Variants in PCSK1 observed in about 807,000 individuals in gnomAD.
PCSK1 encodes the protein proprotein convertase subtilisin/kexin type 1, also known as neuroendocrine convertase 1.
PCSK1 carries 56 observed loss-of-function variants against 90.6 expected under a neutral mutation model. The observed-to-expected ratio is 0.62, with a 90% CI of 0.50 to 0.77. PCSK1 has a LOEUF of 0.77. PCSK1 is among the 30% of genes least tolerant of loss of function. The probability of loss-of-function intolerance (pLI) is 0.00; values close to 1 mark genes in which losing one functional copy is unlikely to be tolerated. For missense variants in PCSK1, 801 were observed against 932.6 expected (o/e 0.86, Z 1.84); for synonymous variants, 348 against 342.4 (o/e 1.02, Z -0.18).
At chr5:96,400,315 T>C (rs1412849363) in intron 9 of PCSK1, 129 bp from the exon 10 acceptor site, 2 of 715,728 alleles carry the variant, frequency 2.8e-6, no homozygotes, top group Non-Finnish European at 5.1e-6. Flanking sequence ...TATGTTATTC[T>C]AGTGTCTATT....
chr5:96,419,062 T>A (rs1431126948), intron 5 of PCSK1, among the ~76,000 whole-genome samples: 2 of 152,020 alleles, frequency 1.3e-5, no homozygotes, highest in African/African-American at 4.8e-5. Context: ...AAGCCAAATA[T>A]CCTTGTCACA....
intron 13 of PCSK1, 72 bp from the exon 14 acceptor site, chr5:96,393,450 C>T: frequency 2.6e-6 from 4 of 1,568,460 alleles, no homozygotes; most frequent in Non-Finnish European, 3.5e-6. Context: ...AGTTGCAACC[C>T]TACCACAGGA....
At chr5:96,423,556 C>T in intron 3 of PCSK1, 97 bp from the exon 4 acceptor site, 1 of 1,089,344 alleles carries the variant, frequency 9.2e-7, no homozygotes, top group East Asian at 2.4e-5. Flanking sequence ...CTTTCTTTTT[C>T]CTTGGGTCAC....
chr5:96,427,290 A>G (rs140894868), intron 2 of PCSK1, among the ~76,000 whole-genome samples: 13 of 152,364 alleles, frequency 8.5e-5, no homozygotes, highest in Admixed American at 8.5e-4. Flanking sequence ...AAACAGTGTT[A>G]TGATTAATGT....
intron 3 of PCSK1, 92 bp downstream of exon 3, chr5:96,425,728 T>TA (rs11310306): frequency 8.3e-3 from 5,432 of 651,268 alleles, no homozygotes; most frequent in Middle Eastern, 0.012. Flanking sequence ...TTCTCCATCA[T>TA]AAAAAAAAAA....
intron 9 of PCSK1, among the ~76,000 whole-genome samples, chr5:96,405,093 TG>T (rs1194998890): frequency 6.6e-6 from 1 of 152,198 alleles, no homozygotes; most frequent in Non-Finnish European, 1.5e-5. Flanking sequence ...TATAGACAAT[TG>T]AATAGAGTTC....
At chr5:96,423,278 C>A (rs1255762052) in intron 4 of PCSK1, 35 bp downstream of exon 4, 4 of 1,583,966 alleles carry the variant, frequency 2.5e-6, no homozygotes, top group Non-Finnish European at 3.4e-6. Flanking sequence ...ACAGACAGCT[C>A]CCTAAGTCAC....
intron 2 of PCSK1, among the ~76,000 whole-genome samples, chr5:96,426,142 G>C (rs780005208): frequency 6.6e-6 from 1 of 152,124 alleles, no homozygotes. Context: ...GCACCTTTAG[G>C]GGGAGGAGAA....
intron 2 of PCSK1, among the ~76,000 whole-genome samples, chr5:96,426,696 T>G (rs892198428): frequency 3.9e-5 from 6 of 152,214 alleles, no homozygotes; most frequent in Admixed American, 3.9e-4. Context: ...TTATTTTTCT[T>G]GGCAATATGA....
chr5:96,398,774 A>G (rs1199912199), intron 11 of PCSK1, 105 bp downstream of exon 11: 5 of 961,670 alleles, frequency 5.2e-6, no homozygotes, highest in Non-Finnish European at 8.4e-6. Context: ...ACCTGAAAAT[A>G]TCTATTAGGA....
intron 8 of PCSK1, among the ~76,000 whole-genome samples, chr5:96,409,946 G>A (rs959538224): frequency 6.6e-6 from 1 of 152,142 alleles, no homozygotes; most frequent in Non-Finnish European, 1.5e-5. Flanking sequence ...AATCTTGCAC[G>A]CATTCCAAGG....
chr5:96,415,331 C>G (rs887624810), intron 6 of PCSK1, among the ~76,000 whole-genome samples: 1 of 152,112 alleles, frequency 6.6e-6, no homozygotes, highest in Non-Finnish European at 1.5e-5. Flanking sequence ...GTACTCAAGG[C>G]CTATCCAGTG....
chr5:96,424,811 A>C (rs1273593045), intron 3 of PCSK1, among the ~76,000 whole-genome samples: 1 of 151,938 alleles, frequency 6.6e-6, no homozygotes, highest in Non-Finnish European at 1.5e-5. Context: ...AAAAATACAA[A>C]AATTAGCTGG....
chr5:96,390,843 T>C lies in PCSK1; in HGVS notation c.*2158A>G, dbSNP rs1041583409. ...ATATTATACTCCAGGTTGGAAACAT[T>C]CAATATGATTTTATTTAAATATTAA... On this transcript the variant is annotated 3_prime_UTR_variant, in exon 14 of 14. Coordinates refer to ENST00000311106, the MANE Select transcript of PCSK1 (RefSeq NM_000439.5). The C allele has an allele frequency of 6.6e-6, 1 of 152,652 alleles. No homozygotes were observed. The highest frequency in any genetic ancestry group is 2.4e-5 in the African/African-American group (1 of 41,462). The allele number at this position is 152,652 out of a possible 1,614,324, so 9.5% of individuals were successfully genotyped here. A position where few individuals can be genotyped will look rare whatever the true frequency, so the allele number is the denominator to read the frequency against.
intron 12 of PCSK1, 56 bp from the exon 13 acceptor site, chr5:96,395,081 TC>T (rs1760087089): frequency 7.8e-7 from 1 of 1,286,150 alleles, no homozygotes; most frequent in African/African-American, 1.5e-5. Flanking sequence ...TAAAACAAAC[TC>T]ATTCAAAATA....
In PCSK1 at chr5:96,394,966, G is replaced by A; in HGVS notation, c.1782C>T (p.Thr594=). 1.2e-6 allele frequency: 2 copies of A among 1,613,928 alleles called. No individual in the cohort carries two copies. Among genetic ancestry groups the A allele is most frequent in the East Asian group, 2.2e-5 (1 of 44,886 alleles). The change falls in exon 13 of 14, where the codon ACC becomes ACT. Residue 594 remains threonine (T), a synonymous_variant. Coordinates refer to ENST00000311106, the MANE Select transcript of PCSK1 (RefSeq NM_000439.5). ...IVNWKLILHG[T]SSQPEHMKQP... ...GCTTCATATGCTCTGGCTGAGAAGA[G>A]GTCCCGTGCAAAATCAGCTTCCAGT...
At chr5:96,423,694 A>C (rs1374123766) in intron 3 of PCSK1, among the ~76,000 whole-genome samples, 1 of 152,092 alleles carries the variant, frequency 6.6e-6, no homozygotes, top group Non-Finnish European at 1.5e-5. Flanking sequence ...AAGATGAATC[A>C]CCTGTGCTCC....
chr5:96,420,421 G>T (rs558008643), intron 5 of PCSK1, among the ~76,000 whole-genome samples: 2 of 152,134 alleles, frequency 1.3e-5, no homozygotes, highest in Non-Finnish European at 2.9e-5. Flanking sequence ...TTGCTCCAAA[G>T]GTACCCTTGC....
At position 96,393,823 on chromosome 5, in the gene PCSK1, G is replaced by A. The variant is rs116112566; in HGVS notation, c.1885-445C>T. 9.2e-3 allele frequency among the ~76,000 whole-genome samples: 1,398 copies of A among 152,294 alleles called. 16 individuals are homozygous for A. Among genetic ancestry groups the A allele is most frequent in the African/African-American group, 0.032 (1,330 of 41,558 alleles). On this transcript the variant is annotated intron_variant, in intron 13 of 13. Coordinates refer to ENST00000311106, the MANE Select transcript of PCSK1 (RefSeq NM_000439.5). ...GCCTTCCTGGAGGCACTGGCTTTCA[G>A]AACTACCCTTTTAGCCACTGAGCTG...
Sources: gnomAD v4.1 joint callset for allele counts (sites outside exome capture counted in the v4.1 genomes callset) on GRCh38, gnomAD v4.1.1 for gene constraint, MANE v1.5 for transcripts, NCBI Gene and HGNC (gene_info 2026-07-23, HGNC 2026-07-21) for gene names.